ADORA2B: variants seen among roughly 807,000 people sequenced by gnomAD.
The protein encoded by ADORA2B is adenosine receptor A2b.
A neutral mutation model predicts 20.8 loss-of-function variants in ADORA2B; 18 were observed. That is an observed-to-expected ratio of 0.87 (90% CI 0.60 to 1.29). The LOEUF is 1.29. ADORA2B is among the 50% of genes most tolerant of loss of function. The pLI, the probability that ADORA2B is intolerant of heterozygous loss-of-function variation, is 0.00. For synonymous variants in ADORA2B, 179 were observed against 178.3 expected (o/e 1.00, Z -0.03); for missense variants, 441 against 422.7 (o/e 1.04, Z -0.38).
At chr17:15,886,577 G>A in the ADORA2B span, among the ~76,000 whole-genome samples, 10 of 130,710 alleles carry the variant, frequency 7.7e-5, 1 homozygote, top group East Asian at 1.4e-3. Context: ...TCCACTGACC[G>A]TGGGTGACTC....
Position 15,945,626 on chromosome 17 carries a change from C to T in ADORA2B, c.335+43C>T, listed in dbSNP as rs777442017. On this transcript the variant is annotated intron_variant, in intron 1 of 1. Transcript: ENST00000304222. Reference sequence around the variant, plus strand: ...GCCCGAACTCGGGGCCCCGTCGGAGCTCCGAAATGGGTCGTCTTCTCCAGG... The same window carrying T: ...GCCCGAACTCGGGGCCCCGTCGGAGTTCCGAAATGGGTCGTCTTCTCCAGG... 4.2e-6 allele frequency: 6 copies of T among 1,429,506 alleles called. No individual in the cohort carries two copies. In the Admixed American group the frequency reaches 1.3e-4, roughly 32 times the overall value. The allele number at this position is 1,429,506 out of a possible 1,614,324, so 88.6% of individuals were successfully genotyped here. A position where few individuals can be genotyped will look rare whatever the true frequency, so the allele number is the denominator to read the frequency against.
chr17:15,911,458 A>G, the ADORA2B span, among the ~76,000 whole-genome samples: 74 of 152,306 alleles, frequency 4.9e-4, no homozygotes, highest in African/African-American at 1.7e-3. Flanking sequence ...GAGTGATTAC[A>G]TGTAAATGAT....
At chr17:15,917,854 G>A in the ADORA2B span, among the ~76,000 whole-genome samples, 1 of 152,238 alleles carries the variant, frequency 6.6e-6, no homozygotes, top group African/African-American at 2.4e-5. Flanking sequence ...CCTGCCACAG[G>A]AGGCCACCCC....
At chr17:15,893,383 T>C in the ADORA2B span, among the ~76,000 whole-genome samples, 2 of 152,226 alleles carry the variant, frequency 1.3e-5, no homozygotes, top group Non-Finnish European at 2.9e-5. Flanking sequence ...TGTTTTTGCT[T>C]TTTCCTCCCA....
intron 1 of ADORA2B, among the ~76,000 whole-genome samples, chr17:15,964,431 A>G (rs1192652277): frequency 6.6e-6 from 1 of 151,260 alleles, no homozygotes; most frequent in Admixed American, 6.6e-5. Context: ...GCATGGTGAA[A>G]CCCTGTCTCT....
At chr17:15,874,525 C>CAA in the ADORA2B span, among the ~76,000 whole-genome samples, 2 of 140,612 alleles carry the variant, frequency 1.4e-5, no homozygotes, top group African/African-American at 5.1e-5. Flanking sequence ...CTGTGTCTAC[C>CAA]AAAAAAAAAA....
chr17:15,852,816 C>T, the ADORA2B span, among the ~76,000 whole-genome samples: 13 of 151,954 alleles, frequency 8.6e-5, no homozygotes, highest in East Asian at 3.9e-4. Flanking sequence ...TGAACTGAAG[C>T]GCAGAGAAAA....
chr17:15,896,181 A>G, the ADORA2B span, among the ~76,000 whole-genome samples: 4 of 152,214 alleles, frequency 2.6e-5, no homozygotes, highest in African/African-American at 9.6e-5. Flanking sequence ...TATAGTACAC[A>G]ATAGCTGCTT....
intron 1 of ADORA2B, among the ~76,000 whole-genome samples, chr17:15,955,405 GT>G (rs1049397429): frequency 5.6e-5 from 8 of 142,918 alleles, no homozygotes; most frequent in Admixed American, 7.0e-5. Flanking sequence ...TGTTTTTTTT[GT>G]TTTTTTTTTT....
At chr17:15,904,700 G>A in the ADORA2B span, among the ~76,000 whole-genome samples, 1 of 152,146 alleles carries the variant, frequency 6.6e-6, no homozygotes, top group East Asian at 1.9e-4. Flanking sequence ...TTACATTGAG[G>A]TCTGTCATCC....
chr17:15,920,044 T>G, the ADORA2B span, among the ~76,000 whole-genome samples: 95 of 152,298 alleles, frequency 6.2e-4, no homozygotes, highest in Admixed American at 1.0e-3. Flanking sequence ...AGAACACAGT[T>G]TGAAGCTGTG....
At position 15,945,492 on chromosome 17, in the gene ADORA2B, G is replaced by C; in HGVS notation, c.244G>C (p.Ala82Pro). 1 of 1,612,060 alleles carries C rather than the reference G, an allele frequency of 6.2e-7. No homozygotes were observed. The highest frequency in any genetic ancestry group is 8.5e-7 in the Non-Finnish European group (1 of 1,179,574). Residue 82 changes from alanine to proline, a missense_variant, in exon 1 of 2, where the codon GCC (alanine) becomes CCC (proline). Ala to Pro is a conservative substitution (Grantham distance 27). Coordinates refer to ENST00000304222, the MANE Select transcript of ADORA2B (RefSeq NM_000676.4). Reference protein sequence around the residue: ...CTDFYGCLFLACFVLVLTQSS... With the variant: ...CTDFYGCLFLPCFVLVLTQSS... ...TGACTTCTACGGCTGCCTCTTCCTC[G>C]CCTGCTTCGTGCTGGTGCTCACGCA... is the stretch of plus-strand genomic sequence containing the variant.
intron 1 of ADORA2B, among the ~76,000 whole-genome samples, chr17:15,958,291 T>C (rs550709932): frequency 6.6e-6 from 1 of 152,212 alleles, no homozygotes; most frequent in African/African-American, 2.4e-5. Flanking sequence ...GTGCTGGGAT[T>C]GCAGGCGTGA....
chr17:15,951,157 A>G (rs1339238605), intron 1 of ADORA2B, among the ~76,000 whole-genome samples: 1 of 152,224 alleles, frequency 6.6e-6, no homozygotes, highest in Admixed American at 6.5e-5. Context: ...GCTCTGTGAA[A>G]CGCCAGAAGA....
At chr17:15,948,157 G>A (rs187110486) in intron 1 of ADORA2B, among the ~76,000 whole-genome samples, 57 of 150,898 alleles carry the variant, frequency 3.8e-4, no homozygotes, top group Non-Finnish European at 5.8e-4. Flanking sequence ...CTCCCGGTTC[G>A]AGGGCTCCAA....
At chr17:15,852,740 G>A in the ADORA2B span, among the ~76,000 whole-genome samples, 1 of 152,084 alleles carries the variant, frequency 6.6e-6, no homozygotes, top group African/African-American at 2.4e-5. Flanking sequence ...ACTCAACAAA[G>A]TTTACCTGTA....
At chr17:15,881,402 CTTTA>C in the ADORA2B span, among the ~76,000 whole-genome samples, 1 of 152,188 alleles carries the variant, frequency 6.6e-6, no homozygotes, top group African/African-American at 2.4e-5. Flanking sequence ...CGCCCGGCCT[CTTTA>C]TTTATTTTTT....
the ADORA2B span, among the ~76,000 whole-genome samples, chr17:15,882,755 G>T: frequency 5.5e-4 from 73 of 133,198 alleles, no homozygotes; most frequent in African/African-American, 2.2e-3. Context: ...ATAAAATATT[G>T]TCAGAACGTG....
chr17:15,925,788 T>A, the ADORA2B span, among the ~76,000 whole-genome samples: 767 of 152,148 alleles, frequency 5.0e-3, 30 homozygotes, highest in Admixed American at 0.04. Context: ...GCCCAGATGG[T>A]GAAACCCTGT....
Sources: allele counts gnomAD v4.1 joint callset (sites outside exome capture counted in the v4.1 genomes callset), GRCh38; gene constraint gnomAD v4.1.1; transcripts MANE v1.5; gene names NCBI Gene and HGNC (gene_info 2026-07-23, HGNC 2026-07-21).